The following EEA1 variants were observed in gnomAD, a reference collection of about 807,000 sequenced individuals.
EEA1 encodes early endosome antigen 1, also known as early endosome antigen 1, 162kD.
Under a neutral mutation model 209.2 loss-of-function variants are expected in EEA1, and 111 were observed. The ratio of observed to expected loss-of-function variants is 0.53; its 90% confidence interval spans 0.45 to 0.62. The LOEUF is 0.62. Among genes scored for constraint, EEA1 ranks in the 20% least tolerant of loss-of-function variants. EEA1 has a pLI of 0.00. For missense variants in EEA1, 1,343 were observed against 1,530.8 expected (o/e 0.88, Z 2.05); for synonymous variants, 536 against 540.6 (o/e 0.99, Z 0.12).
chr12:92,792,728 T>G (rs536006660), intron 21 of EEA1, among the ~76,000 whole-genome samples: 1 of 152,238 alleles, frequency 6.6e-6, no homozygotes, highest in African/African-American at 2.4e-5. Flanking sequence ...ACCATTCCTT[T>G]TGAAACTATT....
intron 2 of EEA1, among the ~76,000 whole-genome samples, chr12:92,889,794 ATCCCAGT>A (rs1454067586): frequency 6.6e-6 from 1 of 152,136 alleles, no homozygotes; most frequent in Non-Finnish European, 1.5e-5. Context: ...TGCACCTGTA[ATCCCAGT>A]TACTCAGGAG....
intron 21 of EEA1, among the ~76,000 whole-genome samples, chr12:92,794,904 C>A (rs921141309): frequency 1.6e-4 from 24 of 152,118 alleles, no homozygotes; most frequent in African/African-American, 4.6e-4. Flanking sequence ...CTACTTCCCC[C>A]AATAAATGGC....
intron 15 of EEA1, among the ~76,000 whole-genome samples, chr12:92,815,101 A>C (rs1475774553): frequency 6.6e-6 from 1 of 152,226 alleles, no homozygotes; most frequent in African/African-American, 2.4e-5. Context: ...AAGTTAAAGT[A>C]GTTTTGAAAA....
At chr12:92,911,182 A>G (rs1880569410) in intron 1 of EEA1, among the ~76,000 whole-genome samples, 1 of 152,254 alleles carries the variant, frequency 6.6e-6, no homozygotes, top group Non-Finnish European at 1.5e-5. Context: ...AAACGTGGAC[A>G]TAGAAGTTTA....
chr12:92,895,879 C>G (rs1879860181), intron 1 of EEA1, among the ~76,000 whole-genome samples: 1 of 152,038 alleles, frequency 6.6e-6, no homozygotes, highest in South Asian at 2.1e-4. Context: ...TTCATAATGA[C>G]TGTGAGGGGT....
At chr12:92,858,811 C>T (rs1034070110) in intron 3 of EEA1, 3 of 776,274 alleles carry the variant, frequency 3.9e-6, no homozygotes, top group Non-Finnish European at 7.0e-6. Flanking sequence ...TACAATCTAC[C>T]ACCTATAGCC....
intron 1 of EEA1, among the ~76,000 whole-genome samples, chr12:92,910,187 C>G (rs1474964313): frequency 8.5e-6 from 1 of 118,134 alleles, no homozygotes; most frequent in Non-Finnish European, 1.8e-5. Flanking sequence ...AAAATTAACT[C>G]AAGGTCAGGC....
rs1877967452 is a variant in EEA1, at chr12:92,858,089, G to C, written c.246-604C>G. 6 of 481,262 alleles carry C rather than the reference G, an allele frequency of 1.2e-5. No homozygotes were observed. The South Asian group carries it at 1.3e-4, about 11-fold the overall frequency. The allele number at this position is 481,262 out of a possible 1,614,324, so 29.8% of individuals were successfully genotyped here. The stretch of plus-strand genomic sequence containing the variant: ...CTGCCACCAACACCAACATGAACGG[G>C]AGCTCAACAGCTTCCACTAGGTGTT... On this transcript the variant is annotated intron_variant, in intron 3 of 28. Coordinates refer to ENST00000322349, the MANE Select transcript of EEA1 (RefSeq NM_003566.4).
In EEA1 at chr12:92,802,630, T is replaced by G. The variant is rs774804999; in HGVS notation, c.2444A>C (p.Asp815Ala). ...TGTTTCTTGACTTAAAGTTTCAAAA[T>G]CTTGTTTCAGGATTTTTTTTTCTTC... ...QEEEKKILKQDFETLSQETKI... is the reference protein window; with the variant it reads ...QEEEKKILKQAFETLSQETKI... The change falls in exon 19 of 29, where the codon GAT (aspartate) becomes GCT (alanine). Residue 815 changes from aspartate to alanine, a missense_variant. This residue lies in a region of EEA1 where 1,307 missense variants were observed against 1,465.5 expected (regional missense o/e 0.89). Coordinates refer to ENST00000322349, the MANE Select transcript of EEA1 (RefSeq NM_003566.4). The G allele has an allele frequency of 1.9e-6, 3 of 1,605,538 alleles. No individual in the cohort carries two copies. Among genetic ancestry groups the G allele is most frequent in the Admixed American group, 1.7e-5 (1 of 57,964 alleles).
At chr12:92,815,418 T>A (rs1185029001) in intron 15 of EEA1, among the ~76,000 whole-genome samples, 2 of 152,212 alleles carry the variant, frequency 1.3e-5, no homozygotes, top group African/African-American at 2.4e-5. Context: ...AGGTTATCTA[T>A]CATATAACTC....
intron 3 of EEA1, among the ~76,000 whole-genome samples, chr12:92,860,898 A>G (rs982783625): frequency 6.9e-6 from 1 of 144,790 alleles, no homozygotes; most frequent in African/African-American, 2.6e-5. Flanking sequence ...AAAAAAAAGA[A>G]GACAAAGAAG....
Position 92,788,058 on chromosome 12 carries a change from T to TAGTTTTTTAAACTATGTTTAA in EEA1, c.2968-10_2968-9insTTAAACATAGTTTAAAAAACT, listed in dbSNP as rs1565808051. The TAGTTTTTTAAACTATGTTTAA allele has an allele frequency of 3.2e-6, 5 of 1,557,366 alleles. No homozygotes were observed. Among genetic ancestry groups the TAGTTTTTTAAACTATGTTTAA allele is most frequent in the Non-Finnish European group, 4.3e-6 (5 of 1,156,796 alleles). ...TTATTCTCAAGCTCTGTCTGAAACA[T>TAGTTTTTTAAACTATGTTTAA]ACAATAGTTATTTAAAACAGTATGC... On this transcript the variant is annotated splice_polypyrimidine_tract_variant and intron_variant, in intron 21 of 28. Transcript: ENST00000322349.
chr12:92,802,836 T>C (rs913944279), intron 18 of EEA1, 102 bp from the exon 19 acceptor site: 2 of 900,086 alleles, frequency 2.2e-6, no homozygotes, highest in Non-Finnish European at 3.2e-6. Context: ...CTGAAACTTT[T>C]TTGTATAGTT....
intron 10 of EEA1, among the ~76,000 whole-genome samples, chr12:92,833,273 A>AGGGTGTAGGCG: frequency 6.6e-6 from 1 of 152,196 alleles, no homozygotes; most frequent in Admixed American, 6.5e-5. Context: ...GCACAGCAAT[A>AGGGTGTAGGCG]TCATCCACTG....
intron 1 of EEA1, among the ~76,000 whole-genome samples, chr12:92,912,017 A>G (rs2136777620): frequency 6.6e-6 from 1 of 152,324 alleles, no homozygotes; most frequent in African/African-American, 2.4e-5. Flanking sequence ...TTGATATCGA[A>G]AAGTTCTTTA....
chr12:92,900,825 C>T (rs546731947), intron 1 of EEA1, among the ~76,000 whole-genome samples: 15 of 151,872 alleles, frequency 9.9e-5, no homozygotes, highest in African/African-American at 3.1e-4. Flanking sequence ...CCCGCCACCA[C>T]GTCCAGCTAA....
At position 92,815,711 on chromosome 12, in the gene EEA1, A is replaced by AT. The variant is rs1053308284; in HGVS notation, c.1929+488dup. 1.8e-4 allele frequency among the ~76,000 whole-genome samples: 27 copies of AT among 150,728 alleles called. No individual in the cohort carries two copies. The East Asian group carries it at 2.7e-3, about 15-fold the overall frequency. On this transcript the variant is annotated intron_variant, in intron 15 of 28. Coordinates refer to ENST00000322349, the MANE Select transcript of EEA1 (RefSeq NM_003566.4). ...AAAGAATACGGCACCATGTAAGGGA[A>AT]TTTTTTTTTTAATCAGAAGTCAGAC...
intron 17 of EEA1, 59 bp from the exon 18 acceptor site, chr12:92,809,215 T>A: frequency 7.7e-7 from 1 of 1,291,764 alleles, no homozygotes; most frequent in Non-Finnish European, 1.0e-6. Flanking sequence ...AATCTATTAT[T>A]AAATACTATA....
At chr12:92,790,894 A>G (rs1373597459) in intron 21 of EEA1, among the ~76,000 whole-genome samples, 3 of 152,236 alleles carry the variant, frequency 2.0e-5, no homozygotes, top group African/African-American at 7.2e-5. Flanking sequence ...TTACCCACAA[A>G]GGGAAGCCCA....
Sources: allele counts gnomAD v4.1 joint callset (sites outside exome capture counted in the v4.1 genomes callset), GRCh38; gene constraint gnomAD v4.1.1; regional missense constraint gnomAD v4.1.1; transcripts MANE v1.5; gene names NCBI Gene and HGNC (gene_info 2026-07-23, HGNC 2026-07-21).